SRGAP2B: variants seen among roughly 807,000 people sequenced by gnomAD.
The protein encoded by SRGAP2B is SLIT-ROBO Rho GTPase activating protein 2B, also known as SLIT-ROBO Rho GTPase-activating protein 2B.
SRGAP2B carries 9 observed loss-of-function variants against 22.2 expected under a neutral mutation model. The observed-to-expected ratio is 0.41, with a 90% CI of 0.24 to 0.71. The LOEUF (loss-of-function observed/expected upper bound fraction) is 0.71. Among genes scored for constraint, SRGAP2B ranks in the 30% least tolerant of loss-of-function variants. The pLI, the probability that SRGAP2B is intolerant of heterozygous loss-of-function variation, is 0.35. For synonymous variants in SRGAP2B, 36 were observed against 87.4 expected, an observed-to-expected ratio of 0.41 and a Z score of 3.28; for missense variants, 114 against 235.8, an observed-to-expected ratio of 0.48 and a Z score of 3.38.
chr1:144,971,287 C>T (rs6663486), intron 3 of SRGAP2B, among the ~76,000 whole-genome samples: 7 of 149,188 alleles, frequency 4.7e-5, no homozygotes, highest in South Asian at 4.2e-4. Context: ...TGTGCCACCA[C>T]GCTCGGCTAA....
chr1:144,964,903 T>A, intron 3 of SRGAP2B: 1 of 656,170 alleles, frequency 1.5e-6, no homozygotes, highest in Non-Finnish European at 2.7e-6. Context: ...CTGGGTAACA[T>A]AGGACCTGTC....
chr1:145,015,516 T>A (rs1451076864), intron 2 of SRGAP2B, among the ~76,000 whole-genome samples: 2 of 138,926 alleles, frequency 1.4e-5, no homozygotes, highest in Non-Finnish European at 3.1e-5. Flanking sequence ...CAGACTACCA[T>A]AAGAAGTAAT....
At chr1:144,951,063 G>C (rs1439774668) in intron 4 of SRGAP2B, among the ~76,000 whole-genome samples, 5 of 150,744 alleles carry the variant, frequency 3.3e-5, no homozygotes, top group Non-Finnish European at 7.4e-5. Context: ...GGCCAAGCTG[G>C]TCTTGAACTC....
At chr1:145,056,835 C>CA (rs1553630399) in intron 2 of SRGAP2B, among the ~76,000 whole-genome samples, 2 of 56,648 alleles carry the variant, frequency 3.5e-5, no homozygotes, top group Non-Finnish European at 6.6e-5. Context: ...CAAAAAAAGC[C>CA]AAAAAAACAA....
chr1:145,041,064 G>GTA (rs1649171299), intron 2 of SRGAP2B, among the ~76,000 whole-genome samples: 2 of 96,674 alleles, frequency 2.1e-5, no homozygotes, highest in African/African-American at 9.8e-5. Context: ...TTTGTTGCAT[G>GTA]TATATATATA....
At chr1:145,007,453 T>A (rs1671681673) in intron 2 of SRGAP2B, among the ~76,000 whole-genome samples, 1 of 150,918 alleles carries the variant, frequency 6.6e-6, no homozygotes, top group Non-Finnish European at 1.5e-5. Context: ...AATGTTTAGG[T>A]GTATGTGTTG....
rs1227120678 is a variant in SRGAP2B at position 144,908,132 on chromosome 1, C to CT, written c.487-2059dup. Among the ~76,000 whole-genome samples, 29 of 145,782 alleles carry CT rather than the reference C, an allele frequency of 2.0e-4. 2 individuals carry two copies. In the East Asian group the frequency reaches 5.2e-3, roughly 26 times the overall value. On this transcript the variant is annotated intron_variant, in intron 5 of 9. Transcript: ENST00000612199. ...GAAGAAGTGTAGATAGGAGGCTCCT[C>CT]TTTTTTTTCTCTTTTTCCACCTGAA... is the stretch of plus-strand genomic sequence containing the variant.
intron 2 of SRGAP2B, among the ~76,000 whole-genome samples, chr1:145,081,093 C>A (rs1652888730): frequency 6.7e-6 from 1 of 149,376 alleles, no homozygotes; most frequent in Non-Finnish European, 1.5e-5. Context: ...CAACTGAATT[C>A]TTTCATTTCA....
intron 4 of SRGAP2B, among the ~76,000 whole-genome samples, chr1:144,930,694 T>C (rs1553345054): frequency 6.6e-6 from 1 of 150,508 alleles, no homozygotes; most frequent in Non-Finnish European, 1.5e-5. Flanking sequence ...CATAAAAAAA[T>C]TGAAAGAAGT....
chr1:144,984,074 A>G (rs1359071244), intron 3 of SRGAP2B, among the ~76,000 whole-genome samples: 2 of 150,750 alleles, frequency 1.3e-5, no homozygotes, highest in Non-Finnish European at 2.9e-5. Flanking sequence ...TAATCCCAGC[A>G]CTTTGGGAGG....
At chr1:144,966,649 C>T (rs1476750556) in intron 3 of SRGAP2B, among the ~76,000 whole-genome samples, 5 of 146,376 alleles carry the variant, frequency 3.4e-5, no homozygotes, top group African/African-American at 2.8e-5. Flanking sequence ...CAATATTAAC[C>T]TTAAATGTAA....
chr1:145,042,069 T>C (rs1571074432), intron 2 of SRGAP2B, among the ~76,000 whole-genome samples: 1 of 149,280 alleles, frequency 6.7e-6, no homozygotes, highest in East Asian at 2.0e-4. Flanking sequence ...GTGGGGGCTA[T>C]GCTTATAACT....
At chr1:144,976,575 A>G (rs1386534195) in intron 3 of SRGAP2B, among the ~76,000 whole-genome samples, 1 of 145,572 alleles carries the variant, frequency 6.9e-6, no homozygotes, top group African/African-American at 2.8e-5. Flanking sequence ...AGGCTCTCTG[A>G]AAAAATGGTC....
At chr1:145,064,555 A>AT (rs1165323106) in intron 2 of SRGAP2B, among the ~76,000 whole-genome samples, 2 of 143,158 alleles carry the variant, frequency 1.4e-5, no homozygotes, top group African/African-American at 2.8e-5. Flanking sequence ...CAGTCTGGTG[A>AT]TTTTTTCCCC....
intron 2 of SRGAP2B, among the ~76,000 whole-genome samples, chr1:145,073,191 G>C (rs1481726635): frequency 6.7e-6 from 1 of 150,328 alleles, no homozygotes; most frequent in Non-Finnish European, 1.5e-5. Context: ...AGGAGGTCAG[G>C]TATTTGGCAC....
intron 2 of SRGAP2B, among the ~76,000 whole-genome samples, chr1:145,021,561 G>GA (rs1373910077): frequency 9.2e-6 from 1 of 109,030 alleles, no homozygotes. Context: ...CCAATAGCCA[G>GA]ACTGTGAAAG....
At chr1:144,958,395 C>T (rs1176089367) in intron 3 of SRGAP2B, among the ~76,000 whole-genome samples, 1 of 150,124 alleles carries the variant, frequency 6.7e-6, no homozygotes, top group East Asian at 1.9e-4. Context: ...GTGTGGCTCA[C>T]GCCTGCAATC....
chr1:144,994,839 G>A (rs1257507939), intron 3 of SRGAP2B, among the ~76,000 whole-genome samples, 169 bp downstream of exon 3: 1 of 150,484 alleles, frequency 6.6e-6, no homozygotes, highest in Non-Finnish European at 1.5e-5. Context: ...ACGAAATGTT[G>A]AATTGCACTT....
chr1:144,988,995 C>T (rs1430032478), intron 3 of SRGAP2B, among the ~76,000 whole-genome samples: 2 of 132,572 alleles, frequency 1.5e-5, no homozygotes, highest in South Asian at 2.4e-4. Flanking sequence ...TTCCACTCCC[C>T]CCACTTTTTT....
Sources: allele counts gnomAD v4.1 joint callset (sites outside exome capture counted in the v4.1 genomes callset), GRCh38; gene constraint gnomAD v4.1.1; transcripts MANE v1.5; gene names NCBI Gene and HGNC (gene_info 2026-07-23, HGNC 2026-07-21).